FLNC: variants seen among roughly 807,000 people sequenced by gnomAD.
FLNC encodes filamin C.
FLNC carries 91 observed loss-of-function variants against 254.3 expected under a neutral mutation model. That is an observed-to-expected ratio of 0.36 (90% CI 0.30 to 0.43). FLNC has a LOEUF of 0.43. Among genes scored for constraint, FLNC ranks in the 20% least tolerant of loss-of-function variants. The pLI, the probability that FLNC is intolerant of heterozygous loss-of-function variation, is 1.00. For synonymous variants in FLNC, 1,430 were observed against 1,577.2 expected, an observed-to-expected ratio of 0.91 and a Z score of 2.21; for missense variants, 2,853 against 3,802.6, an observed-to-expected ratio of 0.75 and a Z score of 6.57.
intron 31 of FLNC, 99 bp downstream of exon 31, chr7:128,850,173 G>A (rs1200266750): frequency 5.4e-6 from 6 of 1,111,182 alleles, no homozygotes; most frequent in South Asian, 4.0e-5. Context: ...TGGTCTGGGG[G>A]CCTCTTGGGG....
At chr7:128,839,722 G>A (rs1472605535) in intron 8 of FLNC, among the ~76,000 whole-genome samples, 1 of 152,242 alleles carries the variant, frequency 6.6e-6, no homozygotes. Flanking sequence ...TAGATGGATG[G>A]CCTTGGGCTG....
In FLNC at chr7:128,850,050, GC is replaced by G. The variant is rs1456699656; in HGVS notation, c.5277del (p.Gly1760AlafsTer23). 4 of 1,543,448 alleles carry G rather than the reference GC, an allele frequency of 2.6e-6. No individual in the cohort carries two copies. In the East Asian group the frequency reaches 9.7e-5, roughly 37 times the overall value. ...QLRQPYAPPR[P>X]GARPTHWATE... ...TGCGCCAGCCCTACGCTCCTCCCCG[GC>G]CCGGCGCCCGCCCCACACACTGGGT... On this transcript the variant is annotated frameshift_variant, in exon 31 of 48. Transcript: ENST00000325888. LOFTEE classifies it high-confidence loss of function.
At chr7:128,853,197 C>G (rs1808898427) in intron 37 of FLNC, 166 bp downstream of exon 37, 5 of 751,024 alleles carry the variant, frequency 6.7e-6, no homozygotes, top group Admixed American at 6.1e-5. Context: ...AGTGAATGGC[C>G]CCGCATCAGT....
chr7:128,856,949 TGACTTCTGGG>T lies in FLNC; in HGVS notation c.7561+30_7561+39del. ...GAGTGCCTGGAGCTGGGGAACAGGG[TGACTTCTGGG>T]GGTGCTTGGCCACTAGTCTGGTGCT... On this transcript the variant is annotated intron_variant, in intron 45 of 47. Coordinates refer to ENST00000325888, the MANE Select transcript of FLNC (RefSeq NM_001458.5). This position sits in a 1 kb window ranked among gnomAD's most constrained non-coding sequence, Gnocchi z 5.9. 1 of 1,611,702 alleles carries T rather than the reference TGACTTCTGGG, an allele frequency of 6.2e-7. No homozygotes were observed. The highest frequency in any genetic ancestry group is 8.5e-7 in the Non-Finnish European group (1 of 1,178,514).
intron 20 of FLNC, 28 bp from the exon 21 acceptor site, chr7:128,844,630 G>A: frequency 6.3e-7 from 1 of 1,598,864 alleles, no homozygotes; most frequent in Non-Finnish European, 8.5e-7. Context: ...CCAGGTGCAG[G>A]GAACCCACAA....
chr7:128,845,839 A>C, intron 21 of FLNC, 151 bp from the exon 22 acceptor site: 3 of 551,270 alleles, frequency 5.4e-6, no homozygotes, highest in South Asian at 1.8e-5. Context: ...GGAGTTGGGG[A>C]GTGGGAGAGG....
rs765301554 is a variant in FLNC, at chr7:128,843,868, C to A, written c.2884C>A (p.Pro962Thr). Residue 962 changes from proline (P) to threonine (T), a missense_variant, in exon 19 of 48, where the codon CCC becomes ACC. Around this residue, in one of 10 missense-constraint regions of FLNC, gnomAD observed 1,573 missense variants for 1,883.5 expected, o/e 0.84. Transcript: ENST00000325888. Reference protein sequence around the residue: ...PKSPFVVNVAPPLDLSKIKVQ... With the variant: ...PKSPFVVNVATPLDLSKIKVQ... ...GAGCCCCTTTGTGGTGAATGTGGCA[C>A]CCCCGCTGGACCTCAGCAAAATCAA... The A allele has an allele frequency of 1.2e-6, 2 of 1,613,894 alleles. No homozygotes were observed. Among genetic ancestry groups the A allele is most frequent in the African/African-American group, 2.7e-5 (2 of 74,922 alleles).
rs2128932240 is a variant in FLNC, at chr7:128,830,962, C to A, written c.325C>A (p.Arg109Ser). 1 of 1,609,918 alleles carries A rather than the reference C, an allele frequency of 6.2e-7. No homozygotes were observed. Among genetic ancestry groups the A allele is most frequent in the Non-Finnish European group, 8.5e-7 (1 of 1,179,944 alleles). ...GTCCGTGGCCCTCGAGTTCCTCGAG[C>A]GCGAGCACATCAAGCTCGTGTCCAT... Reference protein sequence around the residue: ...NVSVALEFLEREHIKLVSIDS... With the variant: ...NVSVALEFLESEHIKLVSIDS... Residue 109 changes from arginine to serine, a missense_variant, in exon 1 of 48, where the codon CGC becomes AGC. By Grantham distance (110) the Arg-to-Ser change is moderately radical (BLOSUM62 -1). Around this residue, in one of 10 missense-constraint regions of FLNC, gnomAD observed 115 missense variants for 230.3 expected, o/e 0.50. Coordinates refer to ENST00000325888, the MANE Select transcript of FLNC (RefSeq NM_001458.5).
chr7:128,846,785 C>G lies in FLNC; in HGVS notation c.4168C>G (p.Pro1390Ala). The change falls in exon 24 of 48, where the codon CCC (proline) becomes GCC (alanine). Residue 1390 changes from proline to alanine, a missense_variant. Physicochemically the swap from Pro to Ala is conservative, Grantham distance 27. Around this residue, in one of 10 missense-constraint regions of FLNC, gnomAD observed 1,573 missense variants for 1,883.5 expected, o/e 0.84. Transcript: ENST00000325888. ...GGGCCTTGGCCTAGCCATCGAGGGT[C>G]CCTCGGAAGCCAAGATGTCCTGCAA... ...TGGLGLAIEG[P>A]SEAKMSCKDN... The G allele has an allele frequency of 6.2e-7, 1 of 1,614,150 alleles. No homozygotes were observed. Among genetic ancestry groups the G allele is most frequent in the Non-Finnish European group, 8.5e-7 (1 of 1,180,010 alleles).
rs530239379 is a variant in FLNC, at chr7:128,842,429, G to T, written c.2265+55G>T. On this transcript the variant is annotated intron_variant, in intron 14 of 47. Coordinates refer to ENST00000325888, the MANE Select transcript of FLNC (RefSeq NM_001458.5). The surrounding 1 kb of genome is among the most constrained non-coding windows in gnomAD (Gnocchi z 5.4). ...CCACCAGGGGTCCCTGAGGGAGGGC[G>T]GAACCCTCGCTGGAGTCCCTGTTGT... 2 of 1,610,344 alleles carry T rather than the reference G, an allele frequency of 1.2e-6. No homozygotes were observed. The highest frequency in any genetic ancestry group is 3.3e-5 in the Admixed American group (2 of 59,964).
In FLNC at chr7:128,836,995, G is replaced by A. The variant is rs1195623681; in HGVS notation, c.602-165G>A. ...GGCTGTCCTGCTCCTACGTGGTGAG[G>A]GGCCTCGAAGCTGATGGGGTCAGCA... On this transcript the variant is annotated intron_variant, in intron 2 of 47. Transcript: ENST00000325888. The surrounding 1 kb of genome is among the most constrained non-coding windows in gnomAD (Gnocchi z 6.0). Among the ~76,000 whole-genome samples, 2 of 152,228 alleles carry A rather than the reference G, an allele frequency of 1.3e-5. No individual in the cohort carries two copies. Among genetic ancestry groups the A allele is most frequent in the African/African-American group, 4.8e-5 (2 of 41,450 alleles).
intron 34 of FLNC, 23 bp from the exon 35 acceptor site, chr7:128,851,432 C>T: frequency 6.2e-7 from 1 of 1,613,970 alleles, no homozygotes; most frequent in Non-Finnish European, 8.5e-7. Flanking sequence ...GACCTCTGAT[C>T]TTGGCCACAC....
chr7:128,846,685 C>A, intron 23 of FLNC, 60 bp from the exon 24 acceptor site: 2 of 1,553,972 alleles, frequency 1.3e-6, no homozygotes, highest in East Asian at 2.3e-5. Context: ...CCCCATTCAG[C>A]TACTCCCTCA....
chr7:128,852,727 G>C lies in FLNC; in HGVS notation c.5979G>C (p.Leu1993=). 6.2e-7 allele frequency: 1 copy of C among 1,613,166 alleles called. No individual in the cohort carries two copies. Among genetic ancestry groups the C allele is most frequent in the Non-Finnish European group, 8.5e-7 (1 of 1,179,742 alleles). ...CGGGCAACGAGGAGCCCTGCCTGCT[G>C]AAGCGCCTGCCCAACCGGCACATTG... ...APSGNEEPCL[L]KRLPNRHIGI... The change falls in exon 36 of 48, where the codon CTG becomes CTC. Residue 1993 remains leucine (L), a synonymous_variant. Coordinates refer to ENST00000325888, the MANE Select transcript of FLNC (RefSeq NM_001458.5).
rs572337697 is a variant in FLNC at position 128,851,582 on chromosome 7, C to G, written c.5796C>G (p.Phe1932Leu). 1.2e-6 allele frequency: 2 copies of G among 1,614,016 alleles called. No homozygotes were observed. The highest frequency in any genetic ancestry group is 1.1e-5 in the South Asian group (1 of 91,086). ...APGDYSIIVR[F>L]DDKHIPGSPF... Reference sequence around the variant, plus strand: ...GAGACTACAGCATCATCGTGCGCTTCGATGACAAGCACATCCCGGGGAGCC... The same window carrying G: ...GAGACTACAGCATCATCGTGCGCTTGGATGACAAGCACATCCCGGGGAGCC... Residue 1932 changes from phenylalanine (F) to leucine (L), a missense_variant, in exon 35 of 48, where the codon TTC becomes TTG. Around this residue, in one of 10 missense-constraint regions of FLNC, gnomAD observed 551 missense variants for 835.0 expected, o/e 0.66. Transcript: ENST00000325888.
At position 128,840,612 on chromosome 7, in the gene FLNC, C is replaced by A; in HGVS notation, c.1614C>A (p.Tyr538Ter). 6.2e-7 allele frequency: 1 copy of A among 1,614,182 alleles called. No homozygotes were observed. The highest frequency in any genetic ancestry group is 8.5e-7 in the Non-Finnish European group (1 of 1,180,012). The change falls in exon 10 of 48, where the codon TAC becomes TAA. Residue 538 changes from tyrosine (Y) to a stop codon, truncating the protein, a stop_gained. Transcript: ENST00000325888. LOFTEE classifies it high-confidence loss of function. ...AGDGVFECEY[Y>*]PVVPGKYVVT... ...ATGGTGTGTTCGAGTGCGAGTACTA[C>A]CCGGTGGTGCCTGGGAAGTATGTGG... is the stretch of plus-strand genomic sequence containing the variant.
rs200670345 is a variant in FLNC at position 128,853,476 on chromosome 7, G to A, written c.6216G>A (p.Gly2072=). Residue 2072 remains glycine (G), a synonymous_variant, in exon 38 of 48, where the codon GGG becomes GGA. Transcript: ENST00000325888. The part of the protein sequence containing the change: ...FIVDTRNAGY[G]GLGLSIEGPS... ...TTCCTTGCTTTCCCCCAGGTTATGGGGGCTTGGGGCTGAGTATTGAAGGCC... is the reference window on the plus strand; with the variant it reads ...TTCCTTGCTTTCCCCCAGGTTATGGAGGCTTGGGGCTGAGTATTGAAGGCC... 2 of 1,614,000 alleles carry A rather than the reference G, an allele frequency of 1.2e-6. No homozygotes were observed. Among genetic ancestry groups the A allele is most frequent in the East Asian group, 2.2e-5 (1 of 44,878 alleles).
intron 31 of FLNC, 40 bp from the exon 32 acceptor site, chr7:128,850,344 C>A: frequency 1.3e-6 from 2 of 1,523,958 alleles, no homozygotes; most frequent in Non-Finnish European, 1.8e-6. Flanking sequence ...AACTCCTGGG[C>A]CTTCCCCAGT....
chr7:128,842,713 A>C lies in FLNC; in HGVS notation c.2389+15A>C. 1 of 1,556,794 alleles carries C rather than the reference A, an allele frequency of 6.4e-7. No individual in the cohort carries two copies. Among genetic ancestry groups the C allele is most frequent in the Non-Finnish European group, 8.7e-7 (1 of 1,148,988 alleles). On this transcript the variant is annotated intron_variant, in intron 15 of 47. Coordinates refer to ENST00000325888, the MANE Select transcript of FLNC (RefSeq NM_001458.5). This position sits in a 1 kb window ranked among gnomAD's most constrained non-coding sequence, Gnocchi z 5.4. The stretch of plus-strand genomic sequence containing the variant: ...GGCGGGGCAAGGTGCGCCCAGCCGG[A>C]AGGGGTGGGTCTGGGAGGGGGCGGG...
Sources: gnomAD v4.1 joint callset for allele counts (sites outside exome capture counted in the v4.1 genomes callset) on GRCh38, gnomAD v4.1.1 for gene constraint, gnomAD v4.1.1 regional missense constraint, Gnocchi (gnomAD v3.1) non-coding constraint, MANE v1.5 for transcripts, NCBI Gene and HGNC (gene_info 2026-07-23, HGNC 2026-07-21) for gene names.